Variants in ADIPOR2 observed in about 807,000 individuals in gnomAD.
The protein encoded by ADIPOR2 is adiponectin receptor protein 2.
A neutral mutation model predicts 40.9 loss-of-function variants in ADIPOR2; 18 were observed. The ratio of observed to expected loss-of-function variants is 0.44; its 90% CI spans 0.30 to 0.65. The LOEUF (loss-of-function observed/expected upper bound fraction) is 0.65, where lower values mean the gene tolerates loss of function less well. ADIPOR2 is among the 30% of genes least tolerant of loss of function. The pLI is 0.09. For missense variants in ADIPOR2, 283 were observed against 479.2 expected (o/e 0.59, Z 3.82); for synonymous variants, 165 against 166.4 (o/e 0.99, Z 0.06).
intron 1 of ADIPOR2, among the ~76,000 whole-genome samples, chr12:1,742,336 G>T (rs955681627): frequency 1.3e-4 from 20 of 152,280 alleles, no homozygotes; most frequent in Admixed American, 3.9e-4. Context: ...CAAGCCATCT[G>T]CCCACCTGGG....
rs1328262610 is a variant in ADIPOR2, at chr12:1,786,713, T to C, written c.*641T>C. On this transcript the variant is annotated 3_prime_UTR_variant, in exon 8 of 8. Coordinates refer to ENST00000357103, the MANE Select transcript of ADIPOR2 (RefSeq NM_024551.3). The stretch of plus-strand genomic sequence containing the variant: ...AGGATCAGGTGATAGCCCCGGAATG[T>C]ACAGTGTCTTGGTGCACCAAGATGC... 1 of 152,758 alleles carries C rather than the reference T, an allele frequency of 6.5e-6. No homozygotes were observed. The highest frequency in any genetic ancestry group is 1.5e-5 in the Non-Finnish European group (1 of 68,152). 9.5% of individuals were successfully genotyped at this position (152,758 alleles called of 1,614,324 possible). A position where few individuals can be genotyped will look rare whatever the true frequency, so the allele number is the denominator to read the frequency against.
intron 1 of ADIPOR2, chr12:1,697,621 A>C (rs1311721469): frequency 3.3e-5 from 5 of 152,368 alleles, no homozygotes; most frequent in Admixed American, 2.6e-4. Flanking sequence ...TATTCTTGCT[A>C]TCAGTCACAA....
Position 1,780,458 on chromosome 12 carries a change from A to T in ADIPOR2, c.471A>T (p.Val157=). 6.2e-7 allele frequency: 1 copy of T among 1,608,726 alleles called. No homozygotes were observed. The highest frequency in any genetic ancestry group is 1.7e-4 in the Middle Eastern group (1 of 6,034). ...CTGTGCTCTTTTTCCTAGGTTGTGT[A>T]TTCTTCCTGTGCCTGGGGATCTTTT... ...GNIWTHLLGC[V]FFLCLGIFYM... Residue 157 remains valine (V), a synonymous_variant, in exon 5 of 8, where the codon GTA becomes GTT. Coordinates refer to ENST00000357103, the MANE Select transcript of ADIPOR2 (RefSeq NM_024551.3).
intron 2 of ADIPOR2, among the ~76,000 whole-genome samples, chr12:1,765,649 A>G (rs776112050): frequency 3.3e-5 from 5 of 152,194 alleles, no homozygotes; most frequent in African/African-American, 9.6e-5. Context: ...AGTTATCCAC[A>G]TATCTCAGCC....
At chr12:1,731,585 T>C (rs1390810142) in intron 1 of ADIPOR2, among the ~76,000 whole-genome samples, 2 of 152,230 alleles carry the variant, frequency 1.3e-5, no homozygotes, top group African/African-American at 4.8e-5. Flanking sequence ...CTAAGTATCA[T>C]ATAAATGGAA....
intron 3 of ADIPOR2, among the ~76,000 whole-genome samples, chr12:1,775,391 GC>G (rs1862569496): frequency 6.6e-6 from 1 of 152,168 alleles, no homozygotes; most frequent in African/African-American, 2.4e-5. Context: ...GTCACTAATT[GC>G]AGTGTAATTA....
At chr12:1,708,403 T>A (rs1285442593) in intron 1 of ADIPOR2, among the ~76,000 whole-genome samples, 1 of 152,224 alleles carries the variant, frequency 6.6e-6, no homozygotes, top group Non-Finnish European at 1.5e-5. Context: ...TTATCACTTT[T>A]TACTTATGGT....
chr12:1,756,260 C>T (rs957997475), intron 2 of ADIPOR2, among the ~76,000 whole-genome samples: 2 of 152,104 alleles, frequency 1.3e-5, no homozygotes, highest in Non-Finnish European at 2.9e-5. Flanking sequence ...AAGTGATTCT[C>T]CTGTCTCAGC....
intron 1 of ADIPOR2, among the ~76,000 whole-genome samples, chr12:1,736,988 A>G (rs1250545121): frequency 1.3e-5 from 2 of 152,196 alleles, no homozygotes; most frequent in Non-Finnish European, 2.9e-5. Flanking sequence ...ACCAGGCATT[A>G]TGGCTGAGTG....
chr12:1,729,790 G>A (rs1445112523), intron 1 of ADIPOR2, among the ~76,000 whole-genome samples: 1 of 151,762 alleles, frequency 6.6e-6, no homozygotes, highest in Non-Finnish European at 1.5e-5. Context: ...TTATTTCTTA[G>A]AGAAATGTCA....
chr12:1,726,916 C>A (rs1462013627), intron 1 of ADIPOR2, among the ~76,000 whole-genome samples: 1 of 152,158 alleles, frequency 6.6e-6, no homozygotes, highest in Non-Finnish European at 1.5e-5. Context: ...TTGCTATGTA[C>A]CCAGCTGCCT....
intron 1 of ADIPOR2, among the ~76,000 whole-genome samples, chr12:1,736,877 AGTC>A (rs1295186762): frequency 6.6e-6 from 1 of 152,202 alleles, no homozygotes; most frequent in Non-Finnish European, 1.5e-5. Context: ...TGTACCCAGT[AGTC>A]ATTCAGGAGG....
intron 5 of ADIPOR2, 49 bp downstream of exon 5, chr12:1,780,686 C>T (rs757956906): frequency 5.5e-6 from 8 of 1,465,830 alleles, no homozygotes; most frequent in Middle Eastern, 4.2e-4. Context: ...AGAGGTAGTG[C>T]GTTAGGGAAA....
chr12:1,741,684 T>C (rs2094743163), intron 1 of ADIPOR2, among the ~76,000 whole-genome samples: 1 of 152,218 alleles, frequency 6.6e-6, no homozygotes, highest in Non-Finnish European at 1.5e-5. Flanking sequence ...GGGGAATTCA[T>C]AGTTTGCCAT....
chr12:1,734,352 T>G (rs1565642337), intron 1 of ADIPOR2, among the ~76,000 whole-genome samples: 1 of 152,206 alleles, frequency 6.6e-6, no homozygotes, highest in Non-Finnish European at 1.5e-5. Flanking sequence ...TGCATTTCTC[T>G]GATGGCCAGT....
Position 1,785,949 on chromosome 12 carries a change from C to T in ADIPOR2, c.1038C>T (p.His346=). The T allele has an allele frequency of 6.2e-7, 1 of 1,614,006 alleles. No homozygotes were observed. The highest frequency in any genetic ancestry group is 8.5e-7 in the Non-Finnish European group (1 of 1,179,964). ...TCTTCTTTTTTCCCCTCCAGTTTCA[C>T]TCTCATCAGCTGTTTCATATCTTTG... ...FFPGKCDIWF[H]SHQLFHIFVV... is the part of the protein sequence containing the mutation. The change falls in exon 8 of 8, where the codon CAC becomes CAT. Residue 346 remains histidine (H), a synonymous_variant. Coordinates refer to ENST00000357103, the MANE Select transcript of ADIPOR2 (RefSeq NM_024551.3).
chr12:1,731,650 T>C (rs1331926599), intron 1 of ADIPOR2, among the ~76,000 whole-genome samples: 5 of 152,216 alleles, frequency 3.3e-5, no homozygotes, highest in Non-Finnish European at 7.3e-5. Context: ...GTACATGTTA[T>C]AGCATATATC....
At chr12:1,759,088 TA>T (rs1002929550) in intron 2 of ADIPOR2, among the ~76,000 whole-genome samples, 33 of 7,448 alleles carry the variant, frequency 4.4e-3, no homozygotes, top group Admixed American at 7.2e-3. Flanking sequence ...CTGAGTTGTT[TA>T]TATTGACCTA....
chr12:1,716,022 C>T (rs2094686947), intron 1 of ADIPOR2, among the ~76,000 whole-genome samples: 1 of 152,206 alleles, frequency 6.6e-6, no homozygotes, highest in Non-Finnish European at 1.5e-5. Flanking sequence ...CACAGTAAAT[C>T]TTGCTGCTGC....
Sources: allele counts gnomAD v4.1 joint callset (sites outside exome capture counted in the v4.1 genomes callset), GRCh38; gene constraint gnomAD v4.1.1; transcripts MANE v1.5; gene names NCBI Gene and HGNC (gene_info 2026-07-23, HGNC 2026-07-21).